The following EML6 variants were observed in gnomAD, a reference collection of about 807,000 sequenced individuals.
The protein encoded by EML6 is echinoderm microtubule-associated protein-like 6.
Under a neutral mutation model 240.1 loss-of-function variants are expected in EML6, and 154 were observed. The ratio of observed to expected loss-of-function variants is 0.64; its 90% CI spans 0.56 to 0.73. The LOEUF (loss-of-function observed/expected upper bound fraction) is 0.73, where lower values mean the gene tolerates loss of function less well. Ranked by LOEUF, EML6 falls within the 30% of genes least tolerant of loss-of-function variation. The probability of loss-of-function intolerance (pLI) is 0.00; values close to 1 mark genes in which losing one functional copy is unlikely to be tolerated. For missense variants in EML6, 2,964 were observed against 2,474.6 expected, an observed-to-expected ratio of 1.20 and a Z score of -4.20; for synonymous variants, 1,148 against 899.0, an observed-to-expected ratio of 1.28 and a Z score of -4.95.
chr2:54,910,051 ATTAT>A (rs1440111612), intron 24 of EML6, among the ~76,000 whole-genome samples: 1 of 152,150 alleles, frequency 6.6e-6, no homozygotes, highest in African/African-American at 2.4e-5. Flanking sequence ...TGTATACTGA[ATTAT>A]TTATAGGTGA....
At chr2:54,849,881 T>A in intron 9 of EML6, 81 bp from the exon 10 acceptor site, 2 of 1,175,246 alleles carry the variant, frequency 1.7e-6, no homozygotes, top group Non-Finnish European at 1.2e-6. Flanking sequence ...AACACACTTC[T>A]TTTTCTGACA....
chr2:54,813,853 A>G (rs1667967245), intron 3 of EML6, among the ~76,000 whole-genome samples: 1 of 152,190 alleles, frequency 6.6e-6, no homozygotes, highest in Non-Finnish European at 1.5e-5. Flanking sequence ...TGTCACTTTT[A>G]GCTGCTTCTA....
intron 7 of EML6, among the ~76,000 whole-genome samples, chr2:54,829,837 G>A (rs1668779417): frequency 2.0e-5 from 3 of 152,216 alleles, no homozygotes; most frequent in Admixed American, 1.3e-4. Context: ...GACAAATTTT[G>A]TTTTAAATAG....
chr2:54,760,554 G>T (rs1243085571), intron 2 of EML6, among the ~76,000 whole-genome samples: 1 of 152,120 alleles, frequency 6.6e-6, no homozygotes, highest in Non-Finnish European at 1.5e-5. Context: ...GCCTAGAATT[G>T]CAGTACCTAG....
chr2:54,946,455 G>A (rs1173204980), intron 28 of EML6, among the ~76,000 whole-genome samples: 5 of 152,146 alleles, frequency 3.3e-5, no homozygotes, highest in Non-Finnish European at 7.3e-5. Flanking sequence ...TCCCACCTCA[G>A]CAAAGCTTTT....
At chr2:54,901,104 T>C (rs1257513697) in intron 22 of EML6, among the ~76,000 whole-genome samples, 5 of 152,242 alleles carry the variant, frequency 3.3e-5, no homozygotes, top group Non-Finnish European at 7.3e-5. Flanking sequence ...ATGCCAGCTC[T>C]TTCCATGTAG....
intron 2 of EML6, among the ~76,000 whole-genome samples, chr2:54,791,400 A>G (rs1325872501): frequency 6.6e-6 from 1 of 152,210 alleles, no homozygotes; most frequent in Non-Finnish European, 1.5e-5. Flanking sequence ...CGAATTTCTC[A>G]CTGAAATCTA....
At chr2:54,829,515 T>TAA in intron 7 of EML6, 38 bp downstream of exon 7, 1 of 1,488,610 alleles carries the variant, frequency 6.7e-7, no homozygotes, top group Non-Finnish European at 9.1e-7. Context: ...ACTCTGGATG[T>TAA]GAAATATAAT....
At chr2:54,817,058 T>A (rs1259109149) in intron 4 of EML6, among the ~76,000 whole-genome samples, 173 bp downstream of exon 4, 2 of 152,250 alleles carry the variant, frequency 1.3e-5, no homozygotes, top group Non-Finnish European at 1.5e-5. Flanking sequence ...GTTAATGTGC[T>A]TCTGGTGATC....
intron 2 of EML6, among the ~76,000 whole-genome samples, chr2:54,769,968 CTATTA>C (rs1266354222): frequency 2.6e-5 from 4 of 152,084 alleles, no homozygotes; most frequent in African/African-American, 4.8e-5. Context: ...AAGTATCCCA[CTATTA>C]TATTATATTA....
At chr2:54,893,043 G>T (rs1165703525) in intron 19 of EML6, among the ~76,000 whole-genome samples, 2 of 152,114 alleles carry the variant, frequency 1.3e-5, no homozygotes, top group African/African-American at 4.8e-5. Flanking sequence ...TTACATTATT[G>T]TTCCAGACGT....
intron 30 of EML6, among the ~76,000 whole-genome samples, chr2:54,952,186 C>A (rs1359319244): frequency 6.6e-6 from 1 of 152,154 alleles, no homozygotes; most frequent in Non-Finnish European, 1.5e-5. Context: ...AGTAAAGCAT[C>A]ATCTCCAGGC....
chr2:54,869,402 AAG>A (rs1671139662), intron 15 of EML6, 35 bp downstream of exon 15: 1 of 1,438,502 alleles, frequency 7.0e-7, no homozygotes, highest in East Asian at 2.5e-5. Context: ...CCTAGCCAAA[AAG>A]AGAATTTAAT....
chr2:54,800,072 C>A (rs1558559782), intron 2 of EML6, among the ~76,000 whole-genome samples: 1 of 152,040 alleles, frequency 6.6e-6, no homozygotes, highest in Non-Finnish European at 1.5e-5. Context: ...TGGTGAAACC[C>A]CGTCTCTACT....
intron 28 of EML6, among the ~76,000 whole-genome samples, chr2:54,932,347 C>G (rs79948790): frequency 6.6e-6 from 1 of 152,174 alleles, no homozygotes; most frequent in Admixed American, 6.5e-5. Context: ...TGAGGAAAGT[C>G]ATGAAGTCTT....
chr2:54,933,347 A>C (rs1490802183), intron 28 of EML6, among the ~76,000 whole-genome samples: 3 of 152,130 alleles, frequency 2.0e-5, no homozygotes, highest in Non-Finnish European at 4.4e-5. Flanking sequence ...CTTCCCCCAG[A>C]GGTGATTTGG....
chr2:54,816,676 T>A (rs1668095298), intron 3 of EML6, 111 bp from the exon 4 acceptor site: 19 of 826,490 alleles, frequency 2.3e-5, no homozygotes, highest in Non-Finnish European at 3.5e-5. Flanking sequence ...GAGAAATCGG[T>A]TTGTTATAAG....
In EML6 at chr2:54,964,745, G is replaced by A; in HGVS notation, c.5493+12G>A. Reference sequence around the variant, plus strand: ...GCAAATACATTCAGGTATGCTTGGGGTTTACTTATATCTGGGGCAACCAAT... The same window carrying A: ...GCAAATACATTCAGGTATGCTTGGGATTTACTTATATCTGGGGCAACCAAT... On this transcript the variant is annotated intron_variant, in intron 38 of 41. Coordinates refer to ENST00000356458, the MANE Select transcript of EML6 (RefSeq NM_001039753.4). The A allele has an allele frequency of 1.3e-6, 2 of 1,551,538 alleles. No individual in the cohort carries two copies. The highest frequency in any genetic ancestry group is 2.0e-5 in the Admixed American group (1 of 50,996).
intron 16 of EML6, among the ~76,000 whole-genome samples, chr2:54,878,980 A>C (rs1275101260): frequency 1.3e-5 from 2 of 152,240 alleles, no homozygotes; most frequent in Admixed American, 6.5e-5. Flanking sequence ...ACTACATTTG[A>C]AATAGGGAAC....
Sources: gnomAD v4.1 joint callset for allele counts (sites outside exome capture counted in the v4.1 genomes callset) on GRCh38, gnomAD v4.1.1 for gene constraint, MANE v1.5 for transcripts, NCBI Gene and HGNC (gene_info 2026-07-23, HGNC 2026-07-21) for gene names.